NCKAP5: variants seen among roughly 807,000 people sequenced by gnomAD.
The protein encoded by NCKAP5 is nck-associated protein 5.
Under a neutral mutation model 167.0 loss-of-function variants are expected in NCKAP5, and 92 were observed. The observed-to-expected ratio is 0.55, with a 90% confidence interval of 0.47 to 0.66. The LOEUF is 0.66. NCKAP5 is among the 30% of genes least tolerant of loss of function. The pLI, the probability that NCKAP5 is intolerant of heterozygous loss-of-function variation, is 0.00. For missense variants in NCKAP5, 2,378 were observed against 2,315.0 expected, an observed-to-expected ratio of 1.03 and a Z score of -0.56; for synonymous variants, 891 against 877.4, an observed-to-expected ratio of 1.02 and a Z score of -0.27.
At chr2:132,951,832 A>C (rs1435767058) in intron 8 of NCKAP5, among the ~76,000 whole-genome samples, 2 of 152,144 alleles carry the variant, frequency 1.3e-5, no homozygotes, top group Non-Finnish European at 2.9e-5. Flanking sequence ...CTGCTCATCA[A>C]TCATACTGCT....
chr2:133,563,185 T>G (rs1244558888), intron 1 of NCKAP5, among the ~76,000 whole-genome samples: 1 of 152,176 alleles, frequency 6.6e-6, no homozygotes. Flanking sequence ...TGGATTACAC[T>G]CTTGACCAAA....
At chr2:133,317,553 C>T (rs184346077) in intron 3 of NCKAP5, among the ~76,000 whole-genome samples, 119 of 152,228 alleles carry the variant, frequency 7.8e-4, no homozygotes, top group African/African-American at 2.8e-3. Flanking sequence ...GGCACCTCCC[C>T]GCAGACACTG....
At chr2:132,942,793 G>T (rs1160297743) in intron 8 of NCKAP5, among the ~76,000 whole-genome samples, 2 of 152,168 alleles carry the variant, frequency 1.3e-5, no homozygotes, top group African/African-American at 4.8e-5. Flanking sequence ...GCACTGATTA[G>T]CAAAGTTCAC....
intron 4 of NCKAP5, among the ~76,000 whole-genome samples, chr2:133,214,593 T>C (rs1030093740): frequency 2.0e-5 from 3 of 152,298 alleles, no homozygotes; most frequent in African/African-American, 7.2e-5. Flanking sequence ...TTCACCAAAA[T>C]TTTTAGAATA....
intron 5 of NCKAP5, among the ~76,000 whole-genome samples, chr2:133,192,350 G>C (rs969436365): frequency 6.6e-6 from 1 of 151,986 alleles, no homozygotes; most frequent in South Asian, 2.1e-4. Context: ...CTAAACCTAC[G>C]CAAATAGTTC....
intron 16 of NCKAP5, among the ~76,000 whole-genome samples, chr2:132,771,773 C>T (rs1403550165): frequency 6.6e-6 from 1 of 151,182 alleles, no homozygotes; most frequent in Non-Finnish European, 1.5e-5. Flanking sequence ...CCCGGGTTCA[C>T]ACCGTTCTCC....
chr2:133,186,409 C>A (rs550683581), intron 5 of NCKAP5, among the ~76,000 whole-genome samples: 3 of 151,826 alleles, frequency 2.0e-5, no homozygotes, highest in African/African-American at 7.3e-5. Flanking sequence ...TATCGGCCTG[C>A]GGTTTTCTGT....
chr2:133,068,967 T>G (rs1310565112), intron 6 of NCKAP5, among the ~76,000 whole-genome samples: 1 of 152,200 alleles, frequency 6.6e-6, no homozygotes, highest in Non-Finnish European at 1.5e-5. Context: ...AATTTCAAGT[T>G]TAAAACCAGG....
intron 3 of NCKAP5, among the ~76,000 whole-genome samples, chr2:133,323,243 G>GA (rs1459471726): frequency 1.3e-5 from 2 of 152,222 alleles, no homozygotes; most frequent in Non-Finnish European, 2.9e-5. Flanking sequence ...GTAAAATCAG[G>GA]AAAAAATCAA....
At chr2:133,048,342 G>T (rs1328777309) in intron 6 of NCKAP5, among the ~76,000 whole-genome samples, 5 of 152,182 alleles carry the variant, frequency 3.3e-5, no homozygotes, top group Non-Finnish European at 1.5e-5. Flanking sequence ...AATTAAATGT[G>T]CCTGGCATAT....
chr2:132,817,224 T>A (rs1251416115), intron 11 of NCKAP5, among the ~76,000 whole-genome samples: 2 of 152,188 alleles, frequency 1.3e-5, no homozygotes, highest in Non-Finnish European at 2.9e-5. Context: ...TCCAGAATCA[T>A]CTGAAGGAAT....
At chr2:133,491,792 G>GA (rs998975826) in intron 3 of NCKAP5, among the ~76,000 whole-genome samples, 4 of 152,188 alleles carry the variant, frequency 2.6e-5, no homozygotes, top group Admixed American at 6.5e-5. Context: ...ATGGAGGCAA[G>GA]AGACAGTAGT....
At chr2:133,097,282 A>T (rs2081372688) in intron 6 of NCKAP5, among the ~76,000 whole-genome samples, 1 of 152,164 alleles carries the variant, frequency 6.6e-6, no homozygotes, top group African/African-American at 2.4e-5. Context: ...CTAAAGTGAG[A>T]GACAAATAAA....
At position 132,781,100 on chromosome 2, in the gene NCKAP5, C is replaced by G; in HGVS notation, c.5001G>C (p.Lys1667Asn). 1 of 1,613,686 alleles carries G rather than the reference C, an allele frequency of 6.2e-7. No individual in the cohort carries two copies. The highest frequency in any genetic ancestry group is 1.1e-5 in the South Asian group (1 of 91,018). The change falls in exon 15 of 20, where the codon AAG becomes AAC. Residue 1667 changes from lysine (K) to asparagine (N), a missense_variant. Transcript: ENST00000409261. ...TATCGGCTTTGATTTTCATGTTTTT[C>G]TTGTGGTTTCCTTGAGTACTGATAG... ...GSSISTQGNH[K>N]KNMKIKADME...
At chr2:133,177,609 C>T (rs1030997839) in intron 5 of NCKAP5, among the ~76,000 whole-genome samples, 1 of 152,148 alleles carries the variant, frequency 6.6e-6, no homozygotes, top group Non-Finnish European at 1.5e-5. Flanking sequence ...GTTTGTAAAA[C>T]TGTGGTCTAT....
chr2:133,167,130 C>T (rs6715483), intron 5 of NCKAP5, among the ~76,000 whole-genome samples: 20,676 of 152,106 alleles, frequency 0.14, 1,601 homozygotes, highest in East Asian at 0.39. Flanking sequence ...ATCCACTTAC[C>T]TAAGAGCAAA....
chr2:133,015,122 A>G (rs1384897617), intron 6 of NCKAP5, among the ~76,000 whole-genome samples: 1 of 152,226 alleles, frequency 6.6e-6, no homozygotes, highest in Non-Finnish European at 1.5e-5. Context: ...CATGATTAAT[A>G]TTCATTGAGC....
At chr2:132,822,721 T>G (rs982714691) in intron 11 of NCKAP5, among the ~76,000 whole-genome samples, 1 of 152,036 alleles carries the variant, frequency 6.6e-6, no homozygotes, top group South Asian at 2.1e-4. Flanking sequence ...ATCTCTGAAT[T>G]GCCAGATAAA....
chr2:133,289,278 CAT>C (rs1426793056), intron 4 of NCKAP5, among the ~76,000 whole-genome samples: 3 of 152,088 alleles, frequency 2.0e-5, no homozygotes, highest in African/African-American at 7.2e-5. Flanking sequence ...ATAAAATAAT[CAT>C]AATTTATTTT....
Sources: gnomAD v4.1 joint callset for allele counts (sites outside exome capture counted in the v4.1 genomes callset) on GRCh38, gnomAD v4.1.1 for gene constraint, MANE v1.5 for transcripts, NCBI Gene and HGNC (gene_info 2026-07-23, HGNC 2026-07-21) for gene names.